Variants in NCALD observed in about 807,000 individuals in gnomAD.
NCALD encodes the protein neurocalcin-delta.
In NCALD, 10 loss-of-function variants were observed where a neutral mutation model predicts 18.6. The observed-to-expected ratio is 0.54, with a 90% confidence interval of 0.33 to 0.91. NCALD has a LOEUF of 0.91. Ranked by LOEUF, NCALD falls within the 40% of genes least tolerant of loss-of-function variation. NCALD has a pLI of 0.03. For missense variants in NCALD, 184 were observed against 247.6 expected (o/e 0.74, Z 1.72); for synonymous variants, 88 against 87.4 (o/e 1.01, Z -0.04).
intron 1 of NCALD, among the ~76,000 whole-genome samples, chr8:102,081,472 G>A (rs1824522223): frequency 6.7e-6 from 1 of 148,914 alleles, no homozygotes; most frequent in Non-Finnish European, 1.5e-5. Context: ...GCACAAACGG[G>A]CCCTGGGCTT....
At chr8:101,925,807 C>T (rs1818316976) in intron 2 of NCALD, among the ~76,000 whole-genome samples, 1 of 152,076 alleles carries the variant, frequency 6.6e-6, no homozygotes, top group African/African-American at 2.4e-5. Flanking sequence ...AGTGAATCAA[C>T]ATTATAGACA....
At chr8:101,907,495 TTAAA>T (rs1461229308) in intron 3 of NCALD, among the ~76,000 whole-genome samples, 4 of 150,814 alleles carry the variant, frequency 2.7e-5, no homozygotes, top group African/African-American at 7.2e-5. Flanking sequence ...TTTTATTTTA[TTAAA>T]TAATTTAATA....
At chr8:101,881,058 A>G (rs1816476315) in intron 4 of NCALD, among the ~76,000 whole-genome samples, 1 of 152,216 alleles carries the variant, frequency 6.6e-6, no homozygotes, top group African/African-American at 2.4e-5. Context: ...CATTTGAACT[A>G]CATGTGACAC....
At position 101,776,542 on chromosome 8, in the gene NCALD, G is replaced by A. The variant is rs181055608; in HGVS notation, c.-20+14320C>T. On this transcript the variant is annotated intron_variant, in intron 1 of 3. Coordinates refer to ENST00000220931, the MANE Select transcript of NCALD (RefSeq NM_032041.3). ...GGACTTTCAGATGGTGACTGGAGTC[G>A]GAGGCATTGGAGCAAGGAAGTTCTA... 1.8e-4 allele frequency among the ~76,000 whole-genome samples: 27 copies of A among 152,120 alleles called. 1 individual carries two copies. In the East Asian group the frequency reaches 3.5e-3, roughly 20 times the overall value.
At chr8:102,009,913 G>A (rs1460080155) in intron 2 of NCALD, among the ~76,000 whole-genome samples, 5 of 152,226 alleles carry the variant, frequency 3.3e-5, no homozygotes, top group Non-Finnish European at 7.3e-5. Flanking sequence ...CTGTACATGA[G>A]ACACATTCAC....
intron 4 of NCALD, among the ~76,000 whole-genome samples, chr8:101,840,427 T>C (rs995606936): frequency 6.6e-6 from 1 of 152,112 alleles, no homozygotes; most frequent in Non-Finnish European, 1.5e-5. Context: ...AAACAGAAAA[T>C]GCTTTGCAGT....
At chr8:101,840,116 TAA>T (rs61620684) in intron 4 of NCALD, among the ~76,000 whole-genome samples, 1,692 of 129,032 alleles carry the variant, frequency 0.013, 24 homozygotes, top group African/African-American at 0.043. Flanking sequence ...AGCAACAAAA[TAA>T]AAAAAAAAAA....
chr8:101,691,840 G>T (rs563751003), intron 3 of NCALD: 1 of 985,394 alleles, frequency 1.0e-6, no homozygotes, highest in South Asian at 4.7e-5. Context: ...CCAGGTGGGG[G>T]ACCCAAGTGC....
chr8:102,067,283 A>G (rs1360088781), intron 1 of NCALD, among the ~76,000 whole-genome samples: 1 of 152,202 alleles, frequency 6.6e-6, no homozygotes, highest in Non-Finnish European at 1.5e-5. Context: ...ATGTGAAGCC[A>G]TTTTAAAACA....
intron 3 of NCALD, among the ~76,000 whole-genome samples, chr8:101,897,936 T>G (rs371368972): frequency 1.3e-5 from 2 of 152,320 alleles, no homozygotes; most frequent in East Asian, 3.9e-4. Context: ...CAGGGGCGGT[T>G]CCCCCAATGT....
intron 3 of NCALD, chr8:101,691,790 T>G (rs145984316): frequency 1.0e-6 from 1 of 985,370 alleles, no homozygotes; most frequent in Non-Finnish European, 1.2e-6. Context: ...AGAGGCTCTC[T>G]GTACTGCGAA....
chr8:102,067,219 G>A (rs1162968464), intron 1 of NCALD, among the ~76,000 whole-genome samples: 3 of 152,106 alleles, frequency 2.0e-5, no homozygotes. Flanking sequence ...TTATTTCTAT[G>A]TGTGCTCACT....
At chr8:102,110,982 A>G (rs1207398282) in intron 1 of NCALD, among the ~76,000 whole-genome samples, 5 of 152,188 alleles carry the variant, frequency 3.3e-5, no homozygotes, top group African/African-American at 1.2e-4. Context: ...AAATAATTTA[A>G]AAAATAGATA....
intron 1 of NCALD, among the ~76,000 whole-genome samples, chr8:101,763,848 A>G (rs1811215105): frequency 6.6e-6 from 1 of 151,870 alleles, no homozygotes; most frequent in South Asian, 2.1e-4. Flanking sequence ...TTGGAATGGA[A>G]CTACACCATC....
intron 2 of NCALD, among the ~76,000 whole-genome samples, chr8:101,981,588 T>C (rs1820619908): frequency 1.3e-5 from 2 of 152,248 alleles, no homozygotes; most frequent in African/African-American, 4.8e-5. Flanking sequence ...TTTATTCTCC[T>C]GCCCAAAGGT....
intron 1 of NCALD, among the ~76,000 whole-genome samples, chr8:101,740,054 T>G (rs1313562648): frequency 6.6e-6 from 1 of 152,210 alleles, no homozygotes; most frequent in Non-Finnish European, 1.5e-5. Context: ...ATCTATTGCC[T>G]GAATGAAGAA....
intron 1 of NCALD, among the ~76,000 whole-genome samples, chr8:102,078,696 C>A (rs1163766290): frequency 2.0e-5 from 3 of 152,208 alleles, no homozygotes; most frequent in Non-Finnish European, 4.4e-5. Flanking sequence ...GCATTGCAGG[C>A]TCTGCCCATG....
At chr8:101,893,938 A>G (rs980036272) in intron 3 of NCALD, among the ~76,000 whole-genome samples, 2 of 146,862 alleles carry the variant, frequency 1.4e-5, no homozygotes, top group Non-Finnish European at 2.9e-5. Flanking sequence ...CCCCACTGTC[A>G]ACATTAGACA....
intron 4 of NCALD, among the ~76,000 whole-genome samples, chr8:101,798,920 C>T (rs748910602): frequency 5.9e-5 from 9 of 151,960 alleles, no homozygotes; most frequent in Non-Finnish European, 1.0e-4. Flanking sequence ...ATATTTTTTT[C>T]AACATATGGT....
Sources: gnomAD v4.1 joint callset for allele counts (sites outside exome capture counted in the v4.1 genomes callset) on GRCh38, gnomAD v4.1.1 for gene constraint, MANE v1.5 for transcripts, NCBI Gene and HGNC (gene_info 2026-07-23, HGNC 2026-07-21) for gene names.